ABTB3: variants seen among roughly 807,000 people sequenced by gnomAD.
ABTB3 encodes the protein ankyrin repeat- and BTB/POZ domain-containing protein 3.
At chr12:107,641,187 C>G in the ABTB3 span, among the ~76,000 whole-genome samples, 3 of 152,166 alleles carry the variant, frequency 2.0e-5, no homozygotes, top group African/African-American at 2.4e-5. Flanking sequence ...CCAGTCCCCC[C>G]ACCAAAACCA....
chr12:107,321,281 A>C, the ABTB3 span, among the ~76,000 whole-genome samples: 2 of 152,034 alleles, frequency 1.3e-5, no homozygotes, highest in African/African-American at 4.8e-5. Flanking sequence ...AAGGGTGTGC[A>C]TGTGCGTGTG....
the ABTB3 span, among the ~76,000 whole-genome samples, chr12:107,637,850 G>A: frequency 1.3e-5 from 2 of 149,504 alleles, no homozygotes; most frequent in South Asian, 2.1e-4. Flanking sequence ...GTGTCCTGTT[G>A]CCCTCCCAAT....
At chr12:107,496,199 A>G in the ABTB3 span, among the ~76,000 whole-genome samples, 1 of 152,124 alleles carries the variant, frequency 6.6e-6, no homozygotes, top group Non-Finnish European at 1.5e-5. Context: ...TTCCTATTCT[A>G]GCGCTGCCTG....
chr12:107,619,396 C>T, the ABTB3 span, among the ~76,000 whole-genome samples: 5 of 152,268 alleles, frequency 3.3e-5, no homozygotes, highest in South Asian at 1.0e-3. Flanking sequence ...TTGTTTTGCA[C>T]AGAGGAGCAG....
At chr12:107,608,965 A>T in the ABTB3 span, among the ~76,000 whole-genome samples, 2 of 78,772 alleles carry the variant, frequency 2.5e-5, no homozygotes, top group Non-Finnish European at 5.0e-5. Flanking sequence ...ATATAAAATA[A>T]AATATAAAAT....
the ABTB3 span, among the ~76,000 whole-genome samples, chr12:107,323,327 T>A: frequency 2.0e-5 from 3 of 152,140 alleles, no homozygotes; most frequent in African/African-American, 7.2e-5. Context: ...TCCACCTTTC[T>A]AATTTGCTGC....
At chr12:107,380,825 ATATACTT>A in the ABTB3 span, among the ~76,000 whole-genome samples, 18 of 152,268 alleles carry the variant, frequency 1.2e-4, no homozygotes, top group Non-Finnish European at 2.6e-4. Flanking sequence ...TTTAGTATTT[ATATACTT>A]TATGTATATT....
the ABTB3 span, chr12:107,581,358 A>G: frequency 1.6e-6 from 2 of 1,264,364 alleles, no homozygotes; most frequent in Non-Finnish European, 2.0e-6. Context: ...CCGGCCTCGC[A>G]GCCTCCACCC....
chr12:107,512,304 A>G, the ABTB3 span, among the ~76,000 whole-genome samples: 1 of 152,250 alleles, frequency 6.6e-6, no homozygotes, highest in African/African-American at 2.4e-5. Flanking sequence ...AAAAATGTTA[A>G]AAATGCATTT....
chr12:107,435,787 C>G, the ABTB3 span, among the ~76,000 whole-genome samples: 2 of 152,188 alleles, frequency 1.3e-5, no homozygotes, highest in South Asian at 4.2e-4. Flanking sequence ...GGATGTAATT[C>G]CTGAAGTGGA....
the ABTB3 span, among the ~76,000 whole-genome samples, chr12:107,407,218 C>A: frequency 6.6e-6 from 1 of 152,146 alleles, no homozygotes; most frequent in South Asian, 2.1e-4. Context: ...TGGCAGGCTT[C>A]AATGTAATAA....
the ABTB3 span, among the ~76,000 whole-genome samples, chr12:107,595,708 C>G: frequency 2.0e-4 from 30 of 152,164 alleles, no homozygotes; most frequent in African/African-American, 6.8e-4. Context: ...AGTTCTACTA[C>G]TGACTAGCTG....
chr12:107,621,210 T>C, the ABTB3 span, among the ~76,000 whole-genome samples: 1 of 152,154 alleles, frequency 6.6e-6, no homozygotes, highest in Non-Finnish European at 1.5e-5. Flanking sequence ...CCGGTGTCCC[T>C]GGGCCACCTG....
chr12:107,565,135 C>T, the ABTB3 span, among the ~76,000 whole-genome samples: 1 of 152,126 alleles, frequency 6.6e-6, no homozygotes, highest in African/African-American at 2.4e-5. Context: ...AGAACAGGTG[C>T]AAAGAACTGA....
the ABTB3 span, among the ~76,000 whole-genome samples, chr12:107,375,329 G>A: frequency 2.6e-5 from 4 of 152,086 alleles, no homozygotes; most frequent in Non-Finnish European, 5.9e-5. Flanking sequence ...GAGGTGGAAG[G>A]ATCACCTTAG....
At chr12:107,591,277 A>G in the ABTB3 span, among the ~76,000 whole-genome samples, 16 of 152,344 alleles carry the variant, frequency 1.1e-4, no homozygotes, top group Admixed American at 1.0e-3. Context: ...TCACATTGCT[A>G]TAAAGAACTG....
At chr12:107,336,126 C>T in the ABTB3 span, among the ~76,000 whole-genome samples, 1 of 152,184 alleles carries the variant, frequency 6.6e-6, no homozygotes, top group South Asian at 2.1e-4. Context: ...CATCTCTGAA[C>T]CAAAAATAGC....
At chr12:107,617,410 C>G in the ABTB3 span, 4 of 1,614,166 alleles carry the variant, frequency 2.5e-6, no homozygotes, top group Middle Eastern at 1.6e-4. Flanking sequence ...TGAACTCTTT[C>G]AGCCAGGCTG....
At chr12:107,498,411 T>G in the ABTB3 span, among the ~76,000 whole-genome samples, 2 of 152,208 alleles carry the variant, frequency 1.3e-5, no homozygotes, top group Non-Finnish European at 2.9e-5. Flanking sequence ...CAGAGGATAT[T>G]CATTTTCTGT....
Sources: allele counts gnomAD v4.1 joint callset (sites outside exome capture counted in the v4.1 genomes callset), GRCh38; gene constraint gnomAD v4.1.1; transcripts MANE v1.5; gene names NCBI Gene and HGNC (gene_info 2026-07-23, HGNC 2026-07-21).